CNTNAP2: variants seen among roughly 807,000 people sequenced by gnomAD.
The protein encoded by CNTNAP2 is contactin associated protein 2.
A neutral mutation model predicts 155.2 loss-of-function variants in CNTNAP2; 98 were observed. The ratio of observed to expected loss-of-function variants is 0.63; its 90% CI spans 0.54 to 0.75. CNTNAP2 has a LOEUF of 0.75. CNTNAP2 is among the 30% of genes least tolerant of loss of function. The pLI is 0.00. For synonymous variants in CNTNAP2, 651 were observed against 631.2 expected, an observed-to-expected ratio of 1.03 and a Z score of -0.47; for missense variants, 1,727 against 1,688.1, an observed-to-expected ratio of 1.02 and a Z score of -0.40.
At chr7:147,604,111 A>G (rs1050720453) in intron 12 of CNTNAP2, among the ~76,000 whole-genome samples, 11 of 152,188 alleles carry the variant, frequency 7.2e-5, no homozygotes, top group Non-Finnish European at 1.5e-5. Context: ...CCTAAAAACC[A>G]TAAAAACCCT....
At position 147,420,231 on chromosome 7, in the gene CNTNAP2, T is replaced by C. The variant is rs372938572; in HGVS notation, c.1670+24451T>C. Among the ~76,000 whole-genome samples, 18 of 152,340 alleles carry C rather than the reference T, an allele frequency of 1.2e-4. No homozygotes were observed. The East Asian group carries it at 3.3e-3, about 28-fold the overall frequency. On this transcript the variant is annotated intron_variant, in intron 10 of 23. Transcript: ENST00000361727. ...GGGTCATATGTTGAAATGCCATCTC[T>C]ATTGAGGTGTCATAAAAAATATTTC...
chr7:146,526,854 A>G (rs995610192), intron 1 of CNTNAP2, among the ~76,000 whole-genome samples: 54 of 152,214 alleles, frequency 3.5e-4, no homozygotes, highest in African/African-American at 1.3e-3. Context: ...CACAAACTAC[A>G]TGATAAAAGA....
At chr7:147,368,364 T>C (rs1796280855) in intron 9 of CNTNAP2, among the ~76,000 whole-genome samples, 1 of 151,650 alleles carries the variant, frequency 6.6e-6, no homozygotes, top group African/African-American at 2.4e-5. Context: ...GTCAGTTGAG[T>C]TGTGTTGGGT....
At chr7:146,933,005 A>G (rs1352254100) in intron 3 of CNTNAP2, among the ~76,000 whole-genome samples, 7 of 152,066 alleles carry the variant, frequency 4.6e-5, no homozygotes, top group East Asian at 1.9e-4. Context: ...GAAAATGGCC[A>G]TACTGCCCAA....
intron 14 of CNTNAP2, among the ~76,000 whole-genome samples, chr7:147,958,091 G>T (rs933285235): frequency 6.6e-6 from 1 of 151,950 alleles, no homozygotes; most frequent in Non-Finnish European, 1.5e-5. Context: ...AAACCAATAG[G>T]ACATATTAAT....
chr7:146,335,242 A>G (rs1436837336), intron 1 of CNTNAP2, among the ~76,000 whole-genome samples: 2 of 152,208 alleles, frequency 1.3e-5, no homozygotes, highest in African/African-American at 4.8e-5. Flanking sequence ...AACATCTTGA[A>G]TGTAGTGTTA....
At chr7:147,662,975 T>A (rs987867105) in intron 13 of CNTNAP2, among the ~76,000 whole-genome samples, 3 of 151,522 alleles carry the variant, frequency 2.0e-5, no homozygotes, top group African/African-American at 7.3e-5. Context: ...TTTGTCTCAC[T>A]GGATGTTTCT....
At chr7:147,007,535 T>A (rs1490902480) in intron 3 of CNTNAP2, among the ~76,000 whole-genome samples, 29 of 152,148 alleles carry the variant, frequency 1.9e-4, no homozygotes, top group Admixed American at 1.9e-3. Flanking sequence ...TTGAATTTCA[T>A]TAACTTCATC....
At chr7:147,221,443 G>T (rs2116594805) in intron 8 of CNTNAP2, among the ~76,000 whole-genome samples, 1 of 152,118 alleles carries the variant, frequency 6.6e-6, no homozygotes, top group East Asian at 1.9e-4. Context: ...CAGTGATGCT[G>T]GGCTGCAGCT....
intron 1 of CNTNAP2, among the ~76,000 whole-genome samples, chr7:146,707,893 A>AG (rs1269709810): frequency 6.6e-6 from 1 of 152,108 alleles, no homozygotes. Context: ...AGAAGTATGT[A>AG]GGGTAGGCAT....
chr7:148,183,182 C>T (rs1452961233), intron 18 of CNTNAP2, among the ~76,000 whole-genome samples: 1 of 152,182 alleles, frequency 6.6e-6, no homozygotes, highest in African/African-American at 2.4e-5. Flanking sequence ...GAACCAACTG[C>T]AGCATGCAGG....
chr7:146,896,439 G>A (rs1795879529), intron 3 of CNTNAP2, among the ~76,000 whole-genome samples: 1 of 151,768 alleles, frequency 6.6e-6, no homozygotes, highest in Non-Finnish European at 1.5e-5. Context: ...GTAGTATCTT[G>A]TGAATATCTA....
intron 21 of CNTNAP2, among the ~76,000 whole-genome samples, chr7:148,286,275 C>A (rs1002973452): frequency 3.3e-5 from 5 of 152,128 alleles, no homozygotes; most frequent in South Asian, 2.1e-4. Context: ...CATGTCAATT[C>A]CTGATAAGGT....
At chr7:147,986,897 GT>G (rs774058744) in intron 15 of CNTNAP2, among the ~76,000 whole-genome samples, 1 of 151,030 alleles carries the variant, frequency 6.6e-6, no homozygotes, top group Non-Finnish European at 1.5e-5. Flanking sequence ...GTGTGTGTGT[GT>G]GTGGTTGGTT....
chr7:147,168,013 CAT>C (rs1344779803), intron 8 of CNTNAP2, among the ~76,000 whole-genome samples: 2 of 147,966 alleles, frequency 1.4e-5, no homozygotes, highest in East Asian at 3.9e-4. Flanking sequence ...CATATATATA[CAT>C]ATATGTATAT....
In CNTNAP2 at chr7:148,291,300, T is replaced by A. The variant is rs762204771; in HGVS notation, c.3475+24174T>A. 3.4e-3 allele frequency among the ~76,000 whole-genome samples: 365 copies of A among 107,700 alleles called. 1 individual carries two copies. Among genetic ancestry groups the A allele is most frequent in the Non-Finnish European group, 6.0e-3 (307 of 51,376 alleles). The allele number at this position is 107,700 out of a possible 152,430, so 70.7% of individuals were successfully genotyped here. ...CAGAACTAATGGAATATATATATAATATATATATATATAAAATATGGAATT... is the reference window on the plus strand; with the variant it reads ...CAGAACTAATGGAATATATATATAAAATATATATATATAAAATATGGAATT... On this transcript the variant is annotated intron_variant, in intron 21 of 23. Transcript: ENST00000361727.
chr7:147,924,143 CTTT>C (rs71527854), intron 14 of CNTNAP2, among the ~76,000 whole-genome samples: 6 of 123,488 alleles, frequency 4.9e-5, no homozygotes, highest in African/African-American at 1.3e-4. Flanking sequence ...CTTTTCTTTT[CTTT>C]TTTTTTTTTT....
intron 21 of CNTNAP2, among the ~76,000 whole-genome samples, chr7:148,318,144 C>T (rs1296320423): frequency 6.6e-6 from 1 of 152,190 alleles, no homozygotes; most frequent in East Asian, 1.9e-4. Flanking sequence ...TCTTGAGGAT[C>T]TGCCTCTGAT....
intron 13 of CNTNAP2, among the ~76,000 whole-genome samples, chr7:147,801,699 A>T (rs891898763): frequency 6.6e-6 from 1 of 152,202 alleles, no homozygotes; most frequent in African/African-American, 2.4e-5. Flanking sequence ...ACAGAACAAA[A>T]TGAAAAGTCT....
Sources: gnomAD v4.1 joint callset for allele counts (sites outside exome capture counted in the v4.1 genomes callset) on GRCh38, gnomAD v4.1.1 for gene constraint, MANE v1.5 for transcripts, NCBI Gene and HGNC (gene_info 2026-07-23, HGNC 2026-07-21) for gene names.